Variants in SYN3 observed in about 807,000 individuals in gnomAD.
SYN3 encodes synapsin-3.
Under a neutral mutation model 65.8 loss-of-function variants are expected in SYN3, and 35 were observed. The observed-to-expected ratio is 0.53, with a 90% confidence interval of 0.41 to 0.70. The LOEUF (loss-of-function observed/expected upper bound fraction) is 0.70, where lower values mean the gene tolerates loss of function less well. Ranked by LOEUF, SYN3 falls within the 30% of genes least tolerant of loss-of-function variation. The pLI is 0.00. For missense variants in SYN3, 680 were observed against 749.0 expected, an observed-to-expected ratio of 0.91 and a Z score of 1.08; for synonymous variants, 270 against 292.9, an observed-to-expected ratio of 0.92 and a Z score of 0.80.
At chr22:33,029,391 C>T (rs1178004611) in intron 1 of SYN3, among the ~76,000 whole-genome samples, 2 of 152,018 alleles carry the variant, frequency 1.3e-5, no homozygotes, top group Non-Finnish European at 2.9e-5. Flanking sequence ...CTATGTTGCC[C>T]AGGCTGGTCT....
intron 6 of SYN3, among the ~76,000 whole-genome samples, chr22:32,656,452 A>T (rs1452161312): frequency 6.6e-6 from 1 of 152,194 alleles, no homozygotes; most frequent in Admixed American, 6.5e-5. Context: ...AGTGCTTTTG[A>T]AACATGATGC....
rs1315003093 is a variant in SYN3 at position 32,541,625 on chromosome 22, T to C, written c.863A>G (p.Asp288Gly). The change falls in exon 8 of 14, where the codon GAC becomes GGC. Residue 288 changes from aspartate to glycine, a missense_variant. Asp to Gly is a moderately conservative substitution (Grantham distance 94). Coordinates refer to ENST00000358763, the MANE Select transcript of SYN3 (RefSeq NM_003490.4). ...KTYATTEAFI[D>G]SKYDIRIQKI... ...CTGGATGCGGATGTCGTACTTGGAG[T>C]CGATGAAGGCCTCGGTGGTGGCGTA... 1.2e-6 allele frequency: 2 copies of C among 1,613,662 alleles called. No individual in the cohort carries two copies. Among genetic ancestry groups the C allele is most frequent in the South Asian group, 2.2e-5 (2 of 91,016 alleles).
At chr22:32,784,032 A>G (rs2046133100) in intron 6 of SYN3, among the ~76,000 whole-genome samples, 1 of 152,214 alleles carries the variant, frequency 6.6e-6, no homozygotes, top group Non-Finnish European at 1.5e-5. Flanking sequence ...GAAAGGCAAT[A>G]TAAGTGTTTG....
At chr22:32,642,012 G>A (rs1293835280) in intron 6 of SYN3, among the ~76,000 whole-genome samples, 1 of 152,010 alleles carries the variant, frequency 6.6e-6, no homozygotes, top group African/African-American at 2.4e-5. Context: ...GTTAAGGCCC[G>A]GGTGCGGTGG....
intron 6 of SYN3, among the ~76,000 whole-genome samples, chr22:32,729,771 T>A (rs751615629): frequency 6.6e-6 from 1 of 152,194 alleles, no homozygotes; most frequent in Non-Finnish European, 1.5e-5. Context: ...TCACTAGGGC[T>A]TGTGTTGAAG....
At chr22:32,762,593 G>A (rs1436992641) in intron 6 of SYN3, among the ~76,000 whole-genome samples, 1 of 151,446 alleles carries the variant, frequency 6.6e-6, no homozygotes, top group East Asian at 1.9e-4. Context: ...CCTTGGGGAG[G>A]TCACTTCCTA....
chr22:32,868,705 C>T (rs2048756704), intron 5 of SYN3, among the ~76,000 whole-genome samples: 5 of 152,086 alleles, frequency 3.3e-5, no homozygotes, highest in Admixed American at 2.0e-4. Flanking sequence ...CCTGTCTTGG[C>T]CTCCCAAAGT....
chr22:32,517,457 C>T (rs926992495), intron 13 of SYN3, among the ~76,000 whole-genome samples: 4 of 152,060 alleles, frequency 2.6e-5, no homozygotes, highest in East Asian at 1.9e-4. Context: ...TGACTGCAGT[C>T]GTATGAGTGA....
chr22:32,695,232 C>A (rs2060719519), intron 6 of SYN3, among the ~76,000 whole-genome samples: 1 of 151,868 alleles, frequency 6.6e-6, no homozygotes, highest in African/African-American at 2.4e-5. Flanking sequence ...ATTATTTCTC[C>A]TTTTCTTTCA....
At chr22:32,564,693 T>C (rs1465351683) in intron 7 of SYN3, among the ~76,000 whole-genome samples, 25 of 126,350 alleles carry the variant, frequency 2.0e-4, no homozygotes, top group South Asian at 8.0e-4. Context: ...AAGAGTGCTC[T>C]CGGACTGCAC....
intron 6 of SYN3, among the ~76,000 whole-genome samples, chr22:32,628,170 G>C (rs1047336567): frequency 1.3e-5 from 2 of 152,100 alleles, no homozygotes; most frequent in Non-Finnish European, 2.9e-5. Flanking sequence ...CACACCCTCA[G>C]CCCTGCTCTC....
chr22:32,844,248 A>G (rs2047999033), intron 6 of SYN3, among the ~76,000 whole-genome samples: 1 of 152,124 alleles, frequency 6.6e-6, no homozygotes, highest in South Asian at 2.1e-4. Flanking sequence ...GCTCAAGGGT[A>G]TCTTGCCCCA....
intron 6 of SYN3, among the ~76,000 whole-genome samples, chr22:32,748,692 G>A (rs1048485498): frequency 3.9e-5 from 6 of 152,208 alleles, no homozygotes; most frequent in Non-Finnish European, 8.8e-5. Context: ...TGGGGACAGC[G>A]CAGTTGTGGG....
At position 32,508,999 on chromosome 22, in the gene SYN3, G is replaced by A. The variant is rs1396162447; in HGVS notation, c.*4693C>T. On this transcript the variant is annotated 3_prime_UTR_variant, in exon 14 of 14. Transcript: ENST00000358763. ...TAGAATTGAGTGTTAGTTCTATCTT[G>A]AATGTATCTGAATATTAGTTAATTC... 6.6e-6 allele frequency among the ~76,000 whole-genome samples: 1 copy of A among 152,172 alleles called. No homozygotes were observed. Among genetic ancestry groups the A allele is most frequent in the East Asian group, 1.9e-4 (1 of 5,198 alleles).
At chr22:32,684,583 G>C (rs2060566273) in intron 6 of SYN3, among the ~76,000 whole-genome samples, 1 of 152,156 alleles carries the variant, frequency 6.6e-6, no homozygotes, top group Non-Finnish European at 1.5e-5. Context: ...TACAATGCAA[G>C]GCACTCTACA....
Position 32,796,149 on chromosome 22 carries a change from T to C in SYN3, c.711+68766A>G, listed in dbSNP as rs190463765. On this transcript the variant is annotated intron_variant, in intron 6 of 13. Transcript: ENST00000358763. ...CAGGGTTGGGGAGAAGTTCTTCTCCTTCCATTTCATAGTACCCTTCACAGA... is the reference window on the plus strand; with the variant it reads ...CAGGGTTGGGGAGAAGTTCTTCTCCCTCCATTTCATAGTACCCTTCACAGA... Among the ~76,000 whole-genome samples the C allele has an allele frequency of 1.3e-3, 204 of 152,370 alleles. 1 individual carries two copies. The highest frequency in any genetic ancestry group is 4.7e-3 in the African/African-American group (195 of 41,584).
At chr22:33,029,194 A>T (rs1429020960) in intron 1 of SYN3, among the ~76,000 whole-genome samples, 1 of 148,570 alleles carries the variant, frequency 6.7e-6, no homozygotes, top group Non-Finnish European at 1.5e-5. Context: ...TTTTTTTAAG[A>T]GACGGGGTCT....
intron 6 of SYN3, among the ~76,000 whole-genome samples, chr22:32,854,006 C>T (rs575816367): frequency 3.3e-5 from 5 of 152,298 alleles, no homozygotes; most frequent in African/African-American, 1.2e-4. Context: ...CCTTTAACAT[C>T]TTTTCCAACT....
intron 6 of SYN3, among the ~76,000 whole-genome samples, chr22:32,826,965 C>T (rs963768531): frequency 3.9e-5 from 6 of 152,188 alleles, no homozygotes; most frequent in Non-Finnish European, 8.8e-5. Context: ...AGCTCCAAAC[C>T]CCAGCTGAAG....
Sources: allele counts gnomAD v4.1 joint callset (sites outside exome capture counted in the v4.1 genomes callset), GRCh38; gene constraint gnomAD v4.1.1; transcripts MANE v1.5; gene names NCBI Gene and HGNC (gene_info 2026-07-23, HGNC 2026-07-21).